AP5Z1: variants seen among roughly 807,000 people sequenced by gnomAD.
AP5Z1 encodes AP-5 complex subunit zeta-1.
In AP5Z1, 106 loss-of-function variants were observed where a neutral mutation model predicts 83.0. The observed-to-expected ratio is 1.28, with a 90% CI of 1.09 to 1.50. The LOEUF is 1.50. AP5Z1 is among the 40% of genes most tolerant of loss of function. The pLI, the probability that AP5Z1 is intolerant of heterozygous loss-of-function variation, is 0.00. For missense variants in AP5Z1, 1,565 were observed against 1,094.2 expected (o/e 1.43, Z -6.07); for synonymous variants, 751 against 514.1 (o/e 1.46, Z -6.23).
In AP5Z1 at chr7:4,792,493, A is replaced by C. The variant is rs1781816312; in HGVS notation, c.*1108A>C. On this transcript the variant is annotated 3_prime_UTR_variant, in exon 17 of 17. Transcript: ENST00000649063. ...ACTATGGAGGGGGCGAGTGACGCGCAAGGAACGGAGCAGGGGACACCGTGC... is the reference window on the plus strand; with the variant it reads ...ACTATGGAGGGGGCGAGTGACGCGCCAGGAACGGAGCAGGGGACACCGTGC... 1 of 152,310 alleles carries C rather than the reference A, an allele frequency of 6.6e-6. No homozygotes were observed. Among genetic ancestry groups the C allele is most frequent in the South Asian group, 2.1e-4 (1 of 4,832 alleles). The allele number at this position is 152,310 out of a possible 1,614,324, so 9.4% of individuals were successfully genotyped here. A position where few individuals can be genotyped will look rare whatever the true frequency, so the allele number is the denominator to read the frequency against.
chr7:4,783,205 C>A, intron 3 of AP5Z1, 111 bp from the exon 4 acceptor site: 1 of 1,435,334 alleles, frequency 7.0e-7, no homozygotes, highest in Non-Finnish European at 9.3e-7. Flanking sequence ...CCTGCTAGGC[C>A]GGGGTCTCAG....
In AP5Z1 at chr7:4,784,207, G is replaced by GC. The variant is rs765101143; in HGVS notation, c.630dup (p.Val211ArgfsTer55). The GC allele has an allele frequency of 6.3e-7, 1 of 1,581,374 alleles. No homozygotes were observed. Among genetic ancestry groups the GC allele is most frequent in the South Asian group, 1.2e-5 (1 of 86,106 alleles). Reference sequence around the variant, plus strand: ...TCCTGCCTGTCCTTCCCACAGCCGGGCCCCGTCACCGAGGTGGACGGGGCG... The same window carrying GC: ...TCCTGCCTGTCCTTCCCACAGCCGGGCCCCCGTCACCGAGGTGGACGGGGCG... On this transcript the variant is annotated frameshift_variant, in exon 6 of 17. Coordinates refer to ENST00000649063, the MANE Select transcript of AP5Z1 (RefSeq NM_014855.3). LOFTEE classifies it high-confidence loss of function.
At chr7:4,780,264 G>A (rs1467620361) in intron 1 of AP5Z1, among the ~76,000 whole-genome samples, 4 of 152,154 alleles carry the variant, frequency 2.6e-5, no homozygotes, top group African/African-American at 7.2e-5. Context: ...AGTTATTCGA[G>A]TAAAAAAACA....
At chr7:4,787,806 G>A (rs368031940) in intron 11 of AP5Z1, 30 bp downstream of exon 11, 67 of 1,508,168 alleles carry the variant, frequency 4.4e-5, no homozygotes, top group Admixed American at 8.0e-5. Context: ...CCAGCGCTGC[G>A]TCTCCCAGCC....
chr7:4,788,514 C>T (rs1218260882), intron 12 of AP5Z1: 3 of 590,222 alleles, frequency 5.1e-6, no homozygotes, highest in African/African-American at 3.8e-5. Context: ...CCACATCAAC[C>T]CTCATAAGCT....
At chr7:4,782,577 T>C (rs1781410354) in intron 3 of AP5Z1, among the ~76,000 whole-genome samples, 1 of 152,014 alleles carries the variant, frequency 6.6e-6, no homozygotes, top group African/African-American at 2.4e-5. Context: ...GGGCGAGAGC[T>C]TGTGGGCCCC....
At position 4,784,201 on chromosome 7, in the gene AP5Z1, A is replaced by G; in HGVS notation, c.622-2A>G. 6.3e-7 allele frequency: 1 copy of G among 1,584,140 alleles called. No individual in the cohort carries two copies. Among genetic ancestry groups the G allele is most frequent in the Non-Finnish European group, 8.6e-7 (1 of 1,167,014 alleles). On this transcript the variant is annotated splice_acceptor_variant, in intron 5 of 16. Coordinates refer to ENST00000649063, the MANE Select transcript of AP5Z1 (RefSeq NM_014855.3). LOFTEE classifies it high-confidence loss of function. ...GCCCACTCCTGCCTGTCCTTCCCAC[A>G]GCCGGGCCCCGTCACCGAGGTGGAC...
intron 11 of AP5Z1, 58 bp from the exon 12 acceptor site, chr7:4,788,096 G>T (rs979468574): frequency 2.4e-5 from 35 of 1,463,228 alleles, no homozygotes; most frequent in African/African-American, 4.3e-5. Context: ...CCCTGACGGG[G>T]GTGCCCTTGA....
At position 4,783,576 on chromosome 7, in the gene AP5Z1, G is replaced by A; in HGVS notation, c.512-113G>A. On this transcript the variant is annotated intron_variant, in intron 4 of 16. Coordinates refer to ENST00000649063, the MANE Select transcript of AP5Z1 (RefSeq NM_014855.3). ...AGGTGGGGGACACGGGGAGGCCCGA[G>A]GGTTTGGGACGCTGCAGGATTCTGT... The A allele has an allele frequency of 3.9e-6, 6 of 1,537,396 alleles. No individual in the cohort carries two copies. In the Admixed American group the frequency reaches 9.3e-5, roughly 24 times the overall value.
chr7:4,785,350 C>G (rs1781507747), intron 7 of AP5Z1, 65 bp from the exon 8 acceptor site: 1 of 1,570,438 alleles, frequency 6.4e-7, no homozygotes, highest in East Asian at 2.3e-5. Context: ...AGAGCACAAG[C>G]TGCCCCCTCA....
chr7:4,785,556 T>C lies in AP5Z1; in HGVS notation c.1004T>C (p.Leu335Pro), dbSNP rs1781515317. 6.2e-7 allele frequency: 1 copy of C among 1,611,982 alleles called. No homozygotes were observed. The highest frequency in any genetic ancestry group is 8.5e-7 in the Non-Finnish European group (1 of 1,179,412). ...GAGGCCGTGCTGGTGCTGGACGTGC[T>C]GTGCCGGCAGGACCCGTCCTTCCTG... Reference protein sequence around the residue: ...LVEAVLVLDVLCRQDPSFLYR... With the variant: ...LVEAVLVLDVPCRQDPSFLYR... The change falls in exon 9 of 17, where the codon CTG becomes CCG. Residue 335 changes from leucine to proline, a missense_variant. Transcript: ENST00000649063.
Position 4,791,644 on chromosome 7 carries a change from G to A in AP5Z1, c.*259G>A, listed in dbSNP as rs1781778236. The A allele has an allele frequency of 1.8e-6, 1 of 542,328 alleles. No homozygotes were observed. Among genetic ancestry groups the A allele is most frequent in the Non-Finnish European group, 3.2e-6 (1 of 313,766 alleles). 33.6% of individuals were successfully genotyped at this position (542,328 alleles called of 1,614,324 possible). Reference sequence around the variant, plus strand: ...ATGGAGCGGCTCTGATTGGAGGCTTGAGGCCCTGTGGCTGGGTCGGGTGGA... The same window carrying A: ...ATGGAGCGGCTCTGATTGGAGGCTTAAGGCCCTGTGGCTGGGTCGGGTGGA... On this transcript the variant is annotated 3_prime_UTR_variant, in exon 17 of 17. Transcript: ENST00000649063.
chr7:4,786,737 C>T (rs1432460618), intron 10 of AP5Z1, among the ~76,000 whole-genome samples: 1 of 151,892 alleles, frequency 6.6e-6, no homozygotes, highest in African/African-American at 2.4e-5. Context: ...CCCGGGAGCC[C>T]TGCCTGGTGC....
rs772195008 is a variant in AP5Z1 at position 4,790,830 on chromosome 7, C to T, written c.2096C>T (p.Thr699Ile). The change falls in exon 16 of 17, where the codon ACC (threonine) becomes ATC (isoleucine). Residue 699 changes from threonine (T) to isoleucine (I), a missense_variant. Coordinates refer to ENST00000649063, the MANE Select transcript of AP5Z1 (RefSeq NM_014855.3). ...CCCAGGTGTCCCCCCCAGGTGGTCACCGTGCTGATGACCACGCTGACGAAG... is the reference window on the plus strand; with the variant it reads ...CCCAGGTGTCCCCCCCAGGTGGTCATCGTGCTGATGACCACGCTGACGAAG... ...ALPRCPPQVVTVLMTTLTKLA... is the reference protein window; with the variant it reads ...ALPRCPPQVVIVLMTTLTKLA... The T allele has an allele frequency of 1.2e-6, 2 of 1,609,368 alleles. 1 individual carries two copies. Among genetic ancestry groups the T allele is most frequent in the Non-Finnish European group, 1.7e-6 (2 of 1,178,882 alleles).
In AP5Z1 at chr7:4,791,123, T is replaced by C. The variant is rs1408241808; in HGVS notation, c.2162T>C (p.Leu721Ser). The C allele has an allele frequency of 1.9e-6, 3 of 1,598,138 alleles. No homozygotes were observed. The highest frequency in any genetic ancestry group is 1.1e-5 in the South Asian group (1 of 89,222). The change falls in exon 17 of 17, where the codon TTA (leucine) becomes TCA (serine). Residue 721 changes from leucine (L) to serine (S), a missense_variant. Coordinates refer to ENST00000649063, the MANE Select transcript of AP5Z1 (RefSeq NM_014855.3). ...RSQDLIPRAS[L>S]LLSKMRTLAH... ...GGACCTTCTTTCCCCAGGGCCTCTT[T>C]ATTGCTGTCAAAGATGAGGACCCTG...
At chr7:4,789,505 G>A (rs1781675114) in intron 13 of AP5Z1, among the ~76,000 whole-genome samples, 1 of 152,246 alleles carries the variant, frequency 6.6e-6, no homozygotes, top group African/African-American at 2.4e-5. Context: ...CCTGGGAGGT[G>A]GGGAGGCCGG....
Position 4,788,960 on chromosome 7 carries a change from G to A in AP5Z1, c.1707+9G>A, listed in dbSNP as rs1042079294. ...TCTCAGCAGTGACCCAGGTGAGCTCGCTGCCTGGGGCCCCCCATTCCCACA... is the reference window on the plus strand; with the variant it reads ...TCTCAGCAGTGACCCAGGTGAGCTCACTGCCTGGGGCCCCCCATTCCCACA... On this transcript the variant is annotated intron_variant, in intron 13 of 16. Transcript: ENST00000649063. 2.4e-5 allele frequency: 39 copies of A among 1,605,970 alleles called. No homozygotes were observed. Among genetic ancestry groups the A allele is most frequent in the South Asian group, 6.7e-5 (6 of 90,132 alleles).
rs770383096 is a variant in AP5Z1, at chr7:4,784,268, C to T, written c.687C>T (p.Gly229=). Residue 229 remains glycine, a synonymous_variant, in exon 6 of 17, where the codon GGC becomes GGT. Coordinates refer to ENST00000649063, the MANE Select transcript of AP5Z1 (RefSeq NM_014855.3). ...ATDFFTVLSS[G]HRFTDDQWLN... is the part of the protein sequence containing the mutation. The stretch of plus-strand genomic sequence containing the variant: ...ACTTCTTCACGGTGCTCTCCAGCGG[C>T]CACCGCTTCACAGACGACCAGTGGC... The T allele has an allele frequency of 1.1e-5, 17 of 1,599,936 alleles. 1 individual carries two copies. In the South Asian group the frequency reaches 1.5e-4, roughly 14 times the overall value.
At position 4,783,444 on chromosome 7, in the gene AP5Z1, G is replaced by A. The variant is rs749032838; in HGVS notation, c.495G>A (p.Pro165=). 48 of 1,612,528 alleles carry A rather than the reference G, an allele frequency of 3.0e-5. No individual in the cohort carries two copies. Among genetic ancestry groups the A allele is most frequent in the African/African-American group, 6.7e-5 (5 of 74,888 alleles). Residue 165 remains proline (P), a synonymous_variant, in exon 4 of 17, where the codon CCG becomes CCA. Transcript: ENST00000649063. The part of the protein sequence containing the change: ...PVMAKVVVLS[P]GTLQEDQATL... Reference sequence around the variant, plus strand: ...TGGCCAAGGTCGTGGTCCTCAGCCCGGGCACCCTCCAGGAGGGTACGCGGG... The same window carrying A: ...TGGCCAAGGTCGTGGTCCTCAGCCCAGGCACCCTCCAGGAGGGTACGCGGG...
Sources: gnomAD v4.1 joint callset for allele counts (sites outside exome capture counted in the v4.1 genomes callset) on GRCh38, gnomAD v4.1.1 for gene constraint, MANE v1.5 for transcripts, NCBI Gene and HGNC (gene_info 2026-07-23, HGNC 2026-07-21) for gene names.